Variants in MTF1 observed in about 807,000 individuals in gnomAD.
MTF1 encodes MRE-binding transcription factor.
In MTF1, 22 loss-of-function variants were observed where a neutral mutation model predicts 70.4. The ratio of observed to expected loss-of-function variants is 0.31; its 90% CI spans 0.22 to 0.45. MTF1 has a LOEUF of 0.45. MTF1 is among the 20% of genes least tolerant of loss of function. MTF1 has a pLI of 1.00. For missense variants in MTF1, 649 were observed against 922.0 expected, an observed-to-expected ratio of 0.70 and a Z score of 3.83; for synonymous variants, 333 against 352.8, an observed-to-expected ratio of 0.94 and a Z score of 0.63.
chr1:37,831,264 G>T (rs550849136), intron 7 of MTF1, among the ~76,000 whole-genome samples: 93 of 152,290 alleles, frequency 6.1e-4, no homozygotes, highest in Non-Finnish European at 1.1e-3. Context: ...GCCTTGTCGT[G>T]CTTACATAAA....
chr1:37,822,235 G>A lies in MTF1; in HGVS notation c.1653C>T (p.Thr551=). 1.2e-6 allele frequency: 2 copies of A among 1,614,190 alleles called. No individual in the cohort carries two copies. Among genetic ancestry groups the A allele is most frequent in the African/African-American group, 1.3e-5 (1 of 75,032 alleles). ...NSVLTNNPTI[T]ITPTPNTAIL... ...TAGCTGTGTTGGGAGTTGGGGTGAT[G>A]GTTATTGTGGGATTATTAGTTAGGA... Residue 551 remains threonine (T), a synonymous_variant, in exon 9 of 11, where the codon ACC becomes ACT. Coordinates refer to ENST00000373036, the MANE Select transcript of MTF1 (RefSeq NM_005955.3).
intron 5 of MTF1, 26 bp downstream of exon 5, chr1:37,835,645 T>A (rs914870475): frequency 1.2e-6 from 2 of 1,601,494 alleles, no homozygotes; most frequent in Non-Finnish European, 1.7e-6. Flanking sequence ...ACAGGCTTGA[T>A]GAAACAAAAA....
intron 2 of MTF1, among the ~76,000 whole-genome samples, chr1:37,848,010 C>G (rs1430664983): frequency 6.6e-6 from 1 of 152,122 alleles, no homozygotes; most frequent in Non-Finnish European, 1.5e-5. Flanking sequence ...GGTTTATGTT[C>G]CATGGCAGTA....
At chr1:37,858,846 AAC>A (rs1256605157) in intron 1 of MTF1, among the ~76,000 whole-genome samples, 1 of 152,248 alleles carries the variant, frequency 6.6e-6, no homozygotes, top group Non-Finnish European at 1.5e-5. Context: ...TTCATCTGCA[AAC>A]ACAGGCTCTA....
intron 2 of MTF1, among the ~76,000 whole-genome samples, chr1:37,852,478 G>A (rs775138324): frequency 2.0e-5 from 3 of 152,110 alleles, no homozygotes; most frequent in East Asian, 3.9e-4. Context: ...ACAGCACTTC[G>A]AATACACCTC....
In MTF1 at chr1:37,815,354, G is replaced by A; in HGVS notation, c.2044C>T (p.Pro682Ser). 1.9e-6 allele frequency: 3 copies of A among 1,614,134 alleles called. No homozygotes were observed. The highest frequency in any genetic ancestry group is 1.7e-6 in the Non-Finnish European group (2 of 1,180,024). The change falls in exon 11 of 11, where the codon CCT becomes TCT. Residue 682 changes from proline (P) to serine (S), a missense_variant. Transcript: ENST00000373036. This position sits in a 1 kb window ranked among gnomAD's most constrained non-coding sequence, Gnocchi z 4.5. Reference protein sequence around the residue: ...QLPAQTFSSAPVPGSSSSTLP... With the variant: ...QLPAQTFSSASVPGSSSSTLP... The stretch of plus-strand genomic sequence containing the variant: ...GTAGAGGATGATGACCCGGGAACAG[G>A]GGCTGAAGAGAAAGTCTGCGCTGGG...
At chr1:37,831,351 G>C (rs758637975) in intron 7 of MTF1, among the ~76,000 whole-genome samples, 1 of 152,160 alleles carries the variant, frequency 6.6e-6, no homozygotes, top group Non-Finnish European at 1.5e-5. Context: ...TACAACTTCA[G>C]AAGTGCTGTA....
intron 5 of MTF1, 115 bp downstream of exon 5, chr1:37,835,556 T>C: frequency 1.3e-6 from 1 of 782,870 alleles, no homozygotes; most frequent in Non-Finnish European, 2.1e-6. Context: ...GAGCTAATTA[T>C]GCTCACCTGA....
At chr1:37,845,221 CAT>C (rs1474824987) in intron 2 of MTF1, among the ~76,000 whole-genome samples, 3 of 152,188 alleles carry the variant, frequency 2.0e-5, no homozygotes, top group African/African-American at 7.2e-5. Flanking sequence ...CTACAAGTGA[CAT>C]GTGACAAAGG....
At chr1:37,816,373 C>A (rs931748825) in intron 10 of MTF1, among the ~76,000 whole-genome samples, 4 of 152,024 alleles carry the variant, frequency 2.6e-5, no homozygotes, top group Non-Finnish European at 4.4e-5. Flanking sequence ...TCTGTCTCTA[C>A]ACATAATAAA....
chr1:37,859,498 C>G, intron 1 of MTF1, 33 bp downstream of exon 1: 1 of 398,972 alleles, frequency 2.5e-6, no homozygotes, highest in Non-Finnish European at 4.4e-6. Context: ...CGGTAAGTCC[C>G]AAGCCCAGGC....
At chr1:37,823,004 C>T (rs1021550577) in intron 8 of MTF1, among the ~76,000 whole-genome samples, 4 of 152,144 alleles carry the variant, frequency 2.6e-5, no homozygotes, top group Admixed American at 6.5e-5. Flanking sequence ...CTTTTTTTGA[C>T]ATGACTAGTG....
chr1:37,851,861 A>T (rs528988330), intron 2 of MTF1, among the ~76,000 whole-genome samples: 3 of 118,896 alleles, frequency 2.5e-5, no homozygotes, highest in East Asian at 2.0e-4. Context: ...AACTTATTTA[A>T]AAAAAAAAAA....
intron 9 of MTF1, among the ~76,000 whole-genome samples, chr1:37,818,961 C>T (rs1299973963): frequency 6.6e-6 from 1 of 151,732 alleles, no homozygotes; most frequent in Non-Finnish European, 1.5e-5. Flanking sequence ...CCACTGCACT[C>T]CAGCCTGGAC....
intron 7 of MTF1, among the ~76,000 whole-genome samples, chr1:37,829,962 G>A (rs1169074298): frequency 6.6e-6 from 1 of 152,102 alleles, no homozygotes; most frequent in Non-Finnish European, 1.5e-5. Flanking sequence ...AATTGTGATA[G>A]GAAAGGCTTC....
chr1:37,824,973 CT>C (rs1640979507), intron 7 of MTF1, among the ~76,000 whole-genome samples: 1 of 152,124 alleles, frequency 6.6e-6, no homozygotes, highest in Admixed American at 6.5e-5. Flanking sequence ...GCACTCTTCA[CT>C]TTAGTTCAGG....
intron 1 of MTF1, 38 bp from the exon 2 acceptor site, chr1:37,857,747 A>T: frequency 7.6e-7 from 1 of 1,323,036 alleles, no homozygotes; most frequent in Non-Finnish European, 1.1e-6. Context: ...GTCATACCAC[A>T]AGACCGACGG....
Position 37,816,673 on chromosome 1 carries a change from T to C in MTF1, c.1831+746A>G, listed in dbSNP as rs1640822954. ...CTGGGCAACAGAACGTGACTCCATC[T>C]CAAAAAAAAAAAAAAAAAGAAAGAA... is the stretch of plus-strand genomic sequence containing the variant. On this transcript the variant is annotated intron_variant, in intron 10 of 10. Transcript: ENST00000373036. Among the ~76,000 whole-genome samples, 4 of 80,150 alleles carry C rather than the reference T, an allele frequency of 5.0e-5. No individual in the cohort carries two copies. In the Admixed American group the frequency reaches 5.6e-4, roughly 11 times the overall value. 52.6% of individuals were successfully genotyped at this position (80,150 alleles called of 152,430 possible). A position where few individuals can be genotyped will look rare whatever the true frequency, so the allele number is the denominator to read the frequency against.
chr1:37,832,404 A>G, intron 6 of MTF1, 82 bp from the exon 7 acceptor site: 1 of 874,776 alleles, frequency 1.1e-6, no homozygotes, highest in Non-Finnish European at 1.9e-6. Context: ...ATTTGATTAC[A>G]AAGTCCCTAA....
Sources: gnomAD v4.1 joint callset for allele counts (sites outside exome capture counted in the v4.1 genomes callset) on GRCh38, gnomAD v4.1.1 for gene constraint, Gnocchi (gnomAD v3.1) non-coding constraint, MANE v1.5 for transcripts, NCBI Gene and HGNC (gene_info 2026-07-23, HGNC 2026-07-21) for gene names.